The following RNF13 variants were observed in gnomAD, a reference collection of about 807,000 sequenced individuals.
RNF13 encodes ring finger protein 13.
RNF13 carries 19 observed loss-of-function variants against 37.7 expected under a neutral mutation model. The observed-to-expected ratio is 0.50, with a 90% CI of 0.35 to 0.74. RNF13 has a LOEUF of 0.74. Among genes scored for constraint, RNF13 ranks in the 30% least tolerant of loss-of-function variants. The pLI, the probability that RNF13 is intolerant of heterozygous loss-of-function variation, is 0.01. For missense variants in RNF13, 375 were observed against 453.0 expected (o/e 0.83, Z 1.56); for synonymous variants, 144 against 157.8 (o/e 0.91, Z 0.65).
intron 8 of RNF13, among the ~76,000 whole-genome samples, 171 bp downstream of exon 8, chr3:149,921,398 C>G (rs1718111020): frequency 6.6e-6 from 1 of 152,098 alleles, no homozygotes; most frequent in Non-Finnish European, 1.5e-5. Flanking sequence ...GTTTGCTGCA[C>G]CCATCAACTC....
At chr3:149,959,963 C>CAAAG in intron 8 of RNF13, 93 bp from the exon 9 acceptor site, 1 of 770,304 alleles carries the variant, frequency 1.3e-6, no homozygotes. Context: ...AGGCATCATT[C>CAAAG]AAAGATAAAT....
chr3:149,903,978 TCTAC>T (rs1334850046), intron 6 of RNF13, among the ~76,000 whole-genome samples: 4 of 151,934 alleles, frequency 2.6e-5, no homozygotes, highest in South Asian at 2.1e-4. Flanking sequence ...TGTCTATCTA[TCTAC>T]CTACCTACCT....
chr3:149,931,018 T>G (rs1405044651), intron 8 of RNF13, among the ~76,000 whole-genome samples: 2 of 152,152 alleles, frequency 1.3e-5, no homozygotes, highest in Non-Finnish European at 2.9e-5. Flanking sequence ...ATTTTGGTTT[T>G]GTTGATTTTC....
At chr3:149,878,634 C>T (rs1039832418) in intron 4 of RNF13, among the ~76,000 whole-genome samples, 3 of 152,220 alleles carry the variant, frequency 2.0e-5, no homozygotes, top group African/African-American at 7.2e-5. Flanking sequence ...GCTCCATTCT[C>T]ATCTGCATTG....
At chr3:149,955,177 G>A (rs1721740153) in intron 8 of RNF13, among the ~76,000 whole-genome samples, 1 of 152,058 alleles carries the variant, frequency 6.6e-6, no homozygotes, top group Non-Finnish European at 1.5e-5. Context: ...TACAGGAGGG[G>A]AAAGATTTTT....
intron 7 of RNF13, among the ~76,000 whole-genome samples, chr3:149,920,842 AC>A (rs1284897539): frequency 9.7e-6 from 1 of 102,588 alleles, no homozygotes; most frequent in Non-Finnish European, 2.1e-5. Flanking sequence ...TCTATAGTTT[AC>A]CATTTGTATT....
At chr3:149,917,861 C>T (rs1291232612) in intron 7 of RNF13, among the ~76,000 whole-genome samples, 6 of 152,062 alleles carry the variant, frequency 3.9e-5, no homozygotes, top group Non-Finnish European at 8.8e-5. Flanking sequence ...CTTTTAACAG[C>T]TTTATTGAGA....
At chr3:149,819,788 T>C (rs1456495334) in intron 1 of RNF13, among the ~76,000 whole-genome samples, 5 of 152,230 alleles carry the variant, frequency 3.3e-5, no homozygotes. Context: ...TAAGGAATTT[T>C]ATGCAGGCAG....
intron 8 of RNF13, among the ~76,000 whole-genome samples, chr3:149,931,760 T>A (rs1417903085): frequency 6.6e-6 from 1 of 152,194 alleles, no homozygotes; most frequent in Non-Finnish European, 1.5e-5. Context: ...TTAACTATAG[T>A]TGCCTTACCA....
intron 8 of RNF13, among the ~76,000 whole-genome samples, chr3:149,929,608 T>G (rs1206920064): frequency 6.6e-6 from 1 of 152,210 alleles, no homozygotes; most frequent in Non-Finnish European, 1.5e-5. Context: ...CATTCTACTT[T>G]CTTTCTGATT....
chr3:149,814,855 T>A (rs1302847441), intron 1 of RNF13, among the ~76,000 whole-genome samples: 1 of 152,202 alleles, frequency 6.6e-6, no homozygotes, highest in Non-Finnish European at 1.5e-5. Context: ...TTACATAATT[T>A]TTTTTTGTTT....
chr3:149,848,875 G>T (rs1475881805), intron 2 of RNF13, among the ~76,000 whole-genome samples: 1 of 152,136 alleles, frequency 6.6e-6, no homozygotes, highest in Non-Finnish European at 1.5e-5. Context: ...TAGCTGACTA[G>T]TCAGACAGAC....
At chr3:149,831,963 A>G (rs990938781) in intron 1 of RNF13, among the ~76,000 whole-genome samples, 6 of 152,214 alleles carry the variant, frequency 3.9e-5, no homozygotes, top group African/African-American at 1.4e-4. Flanking sequence ...TCACATTTGT[A>G]GGAAAAATAA....
At chr3:149,846,537 C>A (rs1361856110) in intron 2 of RNF13, among the ~76,000 whole-genome samples, 1 of 152,286 alleles carries the variant, frequency 6.6e-6, no homozygotes, top group Non-Finnish European at 1.5e-5. Flanking sequence ...ACTCCTGAAC[C>A]TAAGGTGATC....
chr3:149,875,648 A>G (rs1712595115), intron 4 of RNF13, among the ~76,000 whole-genome samples: 1 of 152,210 alleles, frequency 6.6e-6, no homozygotes, highest in African/African-American at 2.4e-5. Context: ...AGAGAAGCAC[A>G]TATGAACCTT....
chr3:149,911,960 A>G lies in RNF13; in HGVS notation c.501-18A>G, dbSNP rs1337833304. 3.2e-6 allele frequency: 4 copies of G among 1,249,040 alleles called. No individual in the cohort carries two copies. The highest frequency in any genetic ancestry group is 4.7e-6 in the Non-Finnish European group (4 of 858,872). The allele number at this position is 1,249,040 out of a possible 1,614,324, so 77.4% of individuals were successfully genotyped here. A position where few individuals can be genotyped will look rare whatever the true frequency, so the allele number is the denominator to read the frequency against. On this transcript the variant is annotated intron_variant, in intron 6 of 9. Transcript: ENST00000392894. The stretch of plus-strand genomic sequence containing the variant: ...ACAACTCTTCATTTCTCAATTATTG[A>G]TTTTTGTTTTCTTCTAGGGGCCACC...
rs560719985 is a variant in RNF13 at position 149,820,976 on chromosome 3, T to C, written c.-17+7623T>C. ...ACCCACATGTAGCATATATCAGTAC[T>C]TCTTTCCTTTTCATAGCAGAAGAAT... On this transcript the variant is annotated intron_variant, in intron 1 of 9. Transcript: ENST00000392894. Among the ~76,000 whole-genome samples, 9 of 152,350 alleles carry C rather than the reference T, an allele frequency of 5.9e-5. 1 individual carries two copies. The South Asian group carries it at 1.9e-3, about 32-fold the overall frequency.
chr3:149,918,693 GT>G (rs71138423), intron 7 of RNF13, among the ~76,000 whole-genome samples: 132 of 132,348 alleles, frequency 1.0e-3, no homozygotes, highest in Admixed American at 1.1e-3. Flanking sequence ...CCAGCTAATT[GT>G]TTTTTTTTTT....
At position 149,961,273 on chromosome 3, in the gene RNF13, A is replaced by G. The variant is rs1012907969; in HGVS notation, c.*169A>G. 2.9e-6 allele frequency: 2 copies of G among 687,022 alleles called. No homozygotes were observed. The highest frequency in any genetic ancestry group is 3.6e-5 in the African/African-American group (2 of 55,470). The allele number at this position is 687,022 out of a possible 1,614,324, so 42.6% of individuals were successfully genotyped here. A position where few individuals can be genotyped will look rare whatever the true frequency, so the allele number is the denominator to read the frequency against. On this transcript the variant is annotated 3_prime_UTR_variant, in exon 10 of 10. Coordinates refer to ENST00000392894, the MANE Select transcript of RNF13 (RefSeq NM_183381.3). ...TTTGATCTGGTATTTATCTGCCAAGAATATACTTCATTCACTAATAATAGA... is the reference window on the plus strand; with the variant it reads ...TTTGATCTGGTATTTATCTGCCAAGGATATACTTCATTCACTAATAATAGA...
Sources: gnomAD v4.1 joint callset for allele counts (sites outside exome capture counted in the v4.1 genomes callset) on GRCh38, gnomAD v4.1.1 for gene constraint, MANE v1.5 for transcripts, NCBI Gene and HGNC (gene_info 2026-07-23, HGNC 2026-07-21) for gene names.